Variants in KIF18A observed in about 807,000 individuals in gnomAD.
KIF18A encodes the protein kinesin family member 18A.
KIF18A carries 67 observed loss-of-function variants against 103.3 expected under a neutral mutation model. The observed-to-expected ratio is 0.65, with a 90% CI of 0.53 to 0.79. The LOEUF is 0.79. Ranked by LOEUF, KIF18A falls within the 30% of genes least tolerant of loss-of-function variation. The pLI is 0.00. For synonymous variants in KIF18A, 367 were observed against 355.5 expected, an observed-to-expected ratio of 1.03 and a Z score of -0.36; for missense variants, 1,032 against 1,062.5, an observed-to-expected ratio of 0.97 and a Z score of 0.40.
Position 28,030,829 on chromosome 11 carries a change from T to A in KIF18A, c.2504+4558A>T, listed in dbSNP as rs1319640392. Among the ~76,000 whole-genome samples the A allele has an allele frequency of 2.0e-5, 3 of 148,194 alleles. No individual in the cohort carries two copies. The East Asian group carries it at 5.9e-4, about 29-fold the overall frequency. On this transcript the variant is annotated intron_variant, in intron 15 of 16. Transcript: ENST00000263181. ...GAATCTACAATGAACTCAAACAAAT[T>A]TACAAGAAAAAAACAAACAACCCCA... is the stretch of plus-strand genomic sequence containing the variant.
Position 28,097,808 on chromosome 11 carries a change from T to C in KIF18A, c.140A>G (p.Lys47Arg), listed in dbSNP as rs1272121292. 1.2e-6 allele frequency: 2 copies of C among 1,613,546 alleles called. No individual in the cohort carries two copies. Among genetic ancestry groups the C allele is most frequent in the East Asian group, 4.5e-5 (2 of 44,838 alleles). ...ATGGAAAAAACTGACTTCTTCTTGT[T>C]TGGGATCAAAAACTAGGATATGTTT... ...VDKHILVFDP[K>R]QEEVSFFHGK... The change falls in exon 2 of 17, where the codon AAA becomes AGA. Residue 47 changes from lysine to arginine, a missense_variant. Lys to Arg is a conservative substitution (Grantham distance 26, BLOSUM62 2). Transcript: ENST00000263181.
intron 3 of KIF18A, among the ~76,000 whole-genome samples, chr11:28,091,961 G>C (rs1031460120): frequency 6.6e-6 from 1 of 152,048 alleles, no homozygotes; most frequent in Non-Finnish European, 1.5e-5. Context: ...GACTACTGGC[G>C]CCTGCCACCA....
At chr11:28,076,887 T>G (rs1481001102) in intron 10 of KIF18A, 120 bp downstream of exon 10, 1 of 506,900 alleles carries the variant, frequency 2.0e-6, no homozygotes, top group South Asian at 3.0e-5. Context: ...TGAGCTGAGG[T>G]TGTGCCACTG....
At chr11:28,096,538 G>C (rs1851376624) in intron 2 of KIF18A, among the ~76,000 whole-genome samples, 1 of 152,146 alleles carries the variant, frequency 6.6e-6, no homozygotes, top group Non-Finnish European at 1.5e-5. Context: ...GTTTGATAGA[G>C]AGTCTACTTT....
rs759100977 is a variant in KIF18A at position 28,084,661 on chromosome 11, C to T, written c.1045G>A (p.Ala349Thr). 1 of 1,611,956 alleles carries T rather than the reference C, an allele frequency of 6.2e-7. No individual in the cohort carries two copies. Among genetic ancestry groups the T allele is most frequent in the South Asian group, 1.1e-5 (1 of 90,852 alleles). Residue 349 changes from alanine to threonine, a missense_variant, in exon 7 of 17, where the codon GCT becomes ACT. Physicochemically the swap from Ala to Thr is moderately conservative, Grantham distance 58. Transcript: ENST00000263181. ...GATTTAATGTCCTTTGCCCGGTTAG[C>T]ATACTTAAGAGTGTTATATGTGTCA... Reference protein sequence around the residue: ...YDDTYNTLKYANRAKDIKSSL... With the variant: ...YDDTYNTLKYTNRAKDIKSSL...
intron 16 of KIF18A, among the ~76,000 whole-genome samples, chr11:28,022,669 A>G (rs999482183): frequency 2.6e-5 from 4 of 152,326 alleles, no homozygotes; most frequent in African/African-American, 9.6e-5. Context: ...AACTAACTAC[A>G]GATACACATT....
At chr11:28,093,805 G>A (rs1054780007) in intron 3 of KIF18A, among the ~76,000 whole-genome samples, 8 of 152,134 alleles carry the variant, frequency 5.3e-5, no homozygotes, top group Non-Finnish European at 4.4e-5. Flanking sequence ...CATCATAATA[G>A]TAATTGATTC....
chr11:28,039,319 A>G (rs1358569108), intron 13 of KIF18A, among the ~76,000 whole-genome samples: 1 of 151,736 alleles, frequency 6.6e-6, no homozygotes, highest in Non-Finnish European at 1.5e-5. Context: ...CTTCACTTTC[A>G]GTTTATCAGA....
intron 15 of KIF18A, among the ~76,000 whole-genome samples, chr11:28,034,405 G>A (rs1565070779): frequency 6.6e-6 from 1 of 151,682 alleles, no homozygotes; most frequent in Non-Finnish European, 1.5e-5. Context: ...AGACTTTCAA[G>A]AACTGGCCTA....
intron 15 of KIF18A, among the ~76,000 whole-genome samples, chr11:28,029,279 A>C (rs1850363605): frequency 6.6e-6 from 1 of 152,220 alleles, no homozygotes; most frequent in Admixed American, 6.5e-5. Flanking sequence ...AAAAATCCTC[A>C]ATAAACTACT....
chr11:28,063,484 T>C (rs1850880891), intron 11 of KIF18A, among the ~76,000 whole-genome samples: 1 of 151,958 alleles, frequency 6.6e-6, no homozygotes, highest in African/African-American at 2.4e-5. Context: ...AGTGTGAAAA[T>C]GTTTTTTTGC....
chr11:28,024,210 A>AAC (rs1289121146), intron 15 of KIF18A, among the ~76,000 whole-genome samples: 3 of 151,322 alleles, frequency 2.0e-5, no homozygotes, highest in Admixed American at 6.6e-5. Context: ...AAAAAAAAAA[A>AAC]ACTAAGCTCA....
chr11:28,100,874 C>G (rs1001674210), intron 1 of KIF18A, among the ~76,000 whole-genome samples: 1 of 152,106 alleles, frequency 6.6e-6, no homozygotes, highest in African/African-American at 2.4e-5. Flanking sequence ...TGTCACAAAG[C>G]ACCTACACCT....
intron 9 of KIF18A, among the ~76,000 whole-genome samples, chr11:28,080,764 G>A (rs1436035586): frequency 6.6e-6 from 1 of 152,098 alleles, no homozygotes; most frequent in Non-Finnish European, 1.5e-5. Flanking sequence ...TAAATCAAAA[G>A]CTGGAAATTA....
chr11:28,046,629 T>C (rs1283895240), intron 13 of KIF18A, among the ~76,000 whole-genome samples: 1 of 137,270 alleles, frequency 7.3e-6, no homozygotes, highest in Admixed American at 7.9e-5. Flanking sequence ...CGCACCAGCA[T>C]GGCACATGTA....
chr11:28,081,980 C>T (rs763003757), intron 9 of KIF18A, among the ~76,000 whole-genome samples: 2 of 152,050 alleles, frequency 1.3e-5, no homozygotes, highest in Non-Finnish European at 2.9e-5. Flanking sequence ...AAGAAACTAA[C>T]TGCAGATGTG....
intron 13 of KIF18A, among the ~76,000 whole-genome samples, chr11:28,054,162 C>A (rs535969261): frequency 6.6e-6 from 1 of 151,742 alleles, no homozygotes; most frequent in South Asian, 2.1e-4. Context: ...TATTAAACAA[C>A]CCAAATGCCC....
intron 15 of KIF18A, among the ~76,000 whole-genome samples, chr11:28,027,299 A>G (rs1475441531): frequency 6.6e-6 from 1 of 151,924 alleles, no homozygotes; most frequent in Non-Finnish European, 1.5e-5. Flanking sequence ...TAAAGAATGC[A>G]TCATGAACTT....
chr11:28,076,997 T>C lies in KIF18A; in HGVS notation c.1425+10A>G, dbSNP rs372919476. 8.1e-5 allele frequency: 110 copies of C among 1,360,666 alleles called. 1 individual carries two copies. The African/African-American group carries it at 1.6e-3, about 20-fold the overall frequency. The allele number at this position is 1,360,666 out of a possible 1,614,324, so 84.3% of individuals were successfully genotyped here. On this transcript the variant is annotated intron_variant, in intron 10 of 16. Coordinates refer to ENST00000263181, the MANE Select transcript of KIF18A (RefSeq NM_031217.4). ...ACTTTCTAAAATTTAATTATAAAAT[T>C]GTTAATTACCTTTTCTACTTTGTCT... is the stretch of plus-strand genomic sequence containing the variant.
Sources: allele counts gnomAD v4.1 joint callset (sites outside exome capture counted in the v4.1 genomes callset), GRCh38; gene constraint gnomAD v4.1.1; transcripts MANE v1.5; gene names NCBI Gene and HGNC (gene_info 2026-07-23, HGNC 2026-07-21).